Variants in ATG4B observed in about 807,000 individuals in gnomAD.
The protein encoded by ATG4B is cysteine protease ATG4B.
ATG4B carries 29 observed loss-of-function variants against 56.6 expected under a neutral mutation model. The ratio of observed to expected loss-of-function variants is 0.51; its 90% CI spans 0.38 to 0.70. The LOEUF (loss-of-function observed/expected upper bound fraction) is 0.70, where lower values mean the gene tolerates loss of function less well. ATG4B is among the 30% of genes least tolerant of loss of function. ATG4B has a pLI of 0.00. For missense variants in ATG4B, 461 were observed against 515.5 expected, an observed-to-expected ratio of 0.89 and a Z score of 1.02; for synonymous variants, 224 against 206.1, an observed-to-expected ratio of 1.09 and a Z score of -0.74.
In ATG4B at chr2:241,655,357, T is replaced by G; in HGVS notation, c.458+14T>G. 6.2e-7 allele frequency: 1 copy of G among 1,601,156 alleles called. No homozygotes were observed. Among genetic ancestry groups the G allele is most frequent in the South Asian group, 1.1e-5 (1 of 88,738 alleles). ...CCAGGTCCTGAAGTATGTACTGCGCTTCCACTGCTGAGCATGGGGCAGCAG... is the reference window on the plus strand; with the variant it reads ...CCAGGTCCTGAAGTATGTACTGCGCGTCCACTGCTGAGCATGGGGCAGCAG... On this transcript the variant is annotated intron_variant, in intron 6 of 12. Coordinates refer to ENST00000404914, the MANE Select transcript of ATG4B (RefSeq NM_013325.5).
rs1575097366 is a variant in ATG4B at position 241,672,448 on chromosome 2, C to G, written c.*184C>G. On this transcript the variant is annotated 3_prime_UTR_variant, in exon 13 of 13. Transcript: ENST00000404914. ...GGAGGCCTTACTGCTTGGTGTCAGA[C>G]TGCCCAGCTCAGAGTGCCCGTCAGG... 1 of 616,466 alleles carries G rather than the reference C, an allele frequency of 1.6e-6. No individual in the cohort carries two copies. 38.2% of individuals were successfully genotyped at this position (616,466 alleles called of 1,614,324 possible). A position where few individuals can be genotyped will look rare whatever the true frequency, so the allele number is the denominator to read the frequency against.
In ATG4B at chr2:241,672,916, A is replaced by C. The variant is rs1408332678; in HGVS notation, c.*652A>C. 1 of 165,710 alleles carries C rather than the reference A, an allele frequency of 6.0e-6. No homozygotes were observed. The highest frequency in any genetic ancestry group is 2.4e-5 in the African/African-American group (1 of 41,770). The allele number at this position is 165,710 out of a possible 1,614,324, so 10.3% of individuals were successfully genotyped here. ...GAAACCTGAAGATGGCGTGCACAGG[A>C]CACAGCGTGGGCGGCCTGGGCAGAA... On this transcript the variant is annotated 3_prime_UTR_variant, in exon 13 of 13. Coordinates refer to ENST00000404914, the MANE Select transcript of ATG4B (RefSeq NM_013325.5).
At chr2:241,654,983 T>C (rs2068350543) in intron 5 of ATG4B, 1 of 572,636 alleles carries the variant, frequency 1.7e-6, no homozygotes, top group South Asian at 2.1e-5. Context: ...TAAAGAAGAG[T>C]TGGCCTTTCT....
Position 241,673,402 on chromosome 2 carries a change from C to A in ATG4B, c.*1138C>A, listed in dbSNP as rs779633531. 1.1e-4 allele frequency: 42 copies of A among 373,826 alleles called. No homozygotes were observed. Among genetic ancestry groups the A allele is most frequent in the Non-Finnish European group, 2.0e-4 (37 of 185,772 alleles). 23.2% of individuals were successfully genotyped at this position (373,826 alleles called of 1,614,324 possible). Reference sequence around the variant, plus strand: ...CCACTAGGAAATGTAAACAGGAGGGCTTGGGGAGCGTGGGCACTTTTCTCA... The same window carrying A: ...CCACTAGGAAATGTAAACAGGAGGGATTGGGGAGCGTGGGCACTTTTCTCA... On this transcript the variant is annotated 3_prime_UTR_variant, in exon 13 of 13. Coordinates refer to ENST00000404914, the MANE Select transcript of ATG4B (RefSeq NM_013325.5).
At chr2:241,644,775 A>C (rs1014042731) in intron 1 of ATG4B, among the ~76,000 whole-genome samples, 2 of 151,810 alleles carry the variant, frequency 1.3e-5, no homozygotes, top group African/African-American at 4.8e-5. Context: ...CATGGGAGAA[A>C]CCCATCTCTA....
At chr2:241,642,971 C>T (rs1035442874) in intron 1 of ATG4B, among the ~76,000 whole-genome samples, 4 of 149,024 alleles carry the variant, frequency 2.7e-5, no homozygotes, top group Non-Finnish European at 4.4e-5. Flanking sequence ...CAGCCTTCGC[C>T]TCCTGGGTTC....
At chr2:241,663,604 C>G (rs1268562656) in intron 7 of ATG4B, among the ~76,000 whole-genome samples, 1 of 152,096 alleles carries the variant, frequency 6.6e-6, no homozygotes, top group Admixed American at 6.5e-5. Flanking sequence ...GCATACAACT[C>G]AAGAATTCGG....
chr2:241,638,474 C>T (rs1233248321), intron 1 of ATG4B: 1 of 152,178 alleles, frequency 6.6e-6, no homozygotes, highest in Non-Finnish European at 1.5e-5. Context: ...CCAAACCCAT[C>T]GCTAGCCCAG....
chr2:241,656,450 C>G (rs1192671661), intron 6 of ATG4B, among the ~76,000 whole-genome samples: 1 of 152,218 alleles, frequency 6.6e-6, no homozygotes, highest in Non-Finnish European at 1.5e-5. Flanking sequence ...CCCACCACAC[C>G]CTTCCACTCA....
In ATG4B at chr2:241,668,021, T is replaced by C; in HGVS notation, c.733-122T>C. ...GTAAGCTCTTTGGTACCATGTCCCC[T>C]CCTGTCCCCTCTTGTGTCACCCAGT... On this transcript the variant is annotated intron_variant, in intron 8 of 12. Coordinates refer to ENST00000404914, the MANE Select transcript of ATG4B (RefSeq NM_013325.5). This position sits in a 1 kb window ranked among gnomAD's most constrained non-coding sequence, Gnocchi z 4.2. The C allele has an allele frequency of 5.7e-6, 5 of 884,228 alleles. No individual in the cohort carries two copies. Among genetic ancestry groups the C allele is most frequent in the Non-Finnish European group, 8.6e-6 (5 of 579,042 alleles). The allele number at this position is 884,228 out of a possible 1,614,324, so 54.8% of individuals were successfully genotyped here. A position where few individuals can be genotyped will look rare whatever the true frequency, so the allele number is the denominator to read the frequency against.
intron 8 of ATG4B, 194 bp from the exon 9 acceptor site, chr2:241,667,949 A>T (rs763116866): frequency 1.8e-6 from 1 of 569,062 alleles, no homozygotes; most frequent in Non-Finnish European, 3.1e-6. Flanking sequence ...GAGCCTGCAG[A>T]TTGGGTTTCT....
At chr2:241,653,990 G>GA (rs34757883) in intron 4 of ATG4B, among the ~76,000 whole-genome samples, 9,601 of 72,580 alleles carry the variant, frequency 0.13, 584 homozygotes, top group East Asian at 0.22. Flanking sequence ...GACCCTATCT[G>GA]AAAAAAAAAA....
intron 8 of ATG4B, among the ~76,000 whole-genome samples, 158 bp downstream of exon 8, chr2:241,666,996 G>A (rs1473663669): frequency 1.3e-5 from 2 of 152,212 alleles, no homozygotes; most frequent in East Asian, 1.9e-4. Flanking sequence ...GGGGTGAGTG[G>A]GCGTGAGGCA....
At chr2:241,663,318 G>A (rs2068649760) in intron 7 of ATG4B, among the ~76,000 whole-genome samples, 1 of 152,136 alleles carries the variant, frequency 6.6e-6, no homozygotes, top group Non-Finnish European at 1.5e-5. Flanking sequence ...AAAGCTACAG[G>A]GGACCCAGAT....
intron 1 of ATG4B, chr2:241,638,172 T>A (rs1245488311): frequency 6.5e-6 from 1 of 153,536 alleles, no homozygotes; most frequent in East Asian, 1.9e-4. Flanking sequence ...GCTCTTTAAC[T>A]TTTATGAAGT....
Position 241,666,856 on chromosome 2 carries a change from G to T in ATG4B, c.732+18G>T, listed in dbSNP as rs1225886955. 4 of 1,544,616 alleles carry T rather than the reference G, an allele frequency of 2.6e-6. No individual in the cohort carries two copies. The highest frequency in any genetic ancestry group is 3.5e-6 in the Non-Finnish European group (4 of 1,144,802). On this transcript the variant is annotated intron_variant, in intron 8 of 12. Coordinates refer to ENST00000404914, the MANE Select transcript of ATG4B (RefSeq NM_013325.5). ...CGCTGAAGGTGGGTCCTGCCGTGCG[G>T]CGCTTGCCCTGAGTCCCCGTCCCCT...
At chr2:241,669,007 C>G (rs567841784) in intron 10 of ATG4B, 91 of 364,342 alleles carry the variant, frequency 2.5e-4, no homozygotes, top group African/African-American at 1.8e-3. Flanking sequence ...CCCCTCACAC[C>G]TACATTTAAA....
In ATG4B at chr2:241,651,274, G is replaced by T; in HGVS notation, c.123G>T (p.Glu41Asp). 2 of 1,600,298 alleles carry T rather than the reference G, an allele frequency of 1.2e-6. No homozygotes were observed. Among genetic ancestry groups the T allele is most frequent in the Non-Finnish European group, 1.7e-6 (2 of 1,172,926 alleles). ...RKYSIFTEKDEILSDVASRLW... is the reference protein window; with the variant it reads ...RKYSIFTEKDDILSDVASRLW... ...TTAAACAACCTCTAGAAAAGGACGA[G>T]ATCTTGTCTGATGTGGCATCTAGAC... Residue 41 changes from glutamate to aspartate, a missense_variant, in exon 3 of 13, where the codon GAG (glutamate) becomes GAT (aspartate). Transcript: ENST00000404914. The surrounding 1 kb of genome is among the most constrained non-coding windows in gnomAD (Gnocchi z 4.1).
At chr2:241,642,507 T>A (rs556193881) in intron 1 of ATG4B, among the ~76,000 whole-genome samples, 5 of 152,244 alleles carry the variant, frequency 3.3e-5, no homozygotes, top group African/African-American at 1.2e-4. Context: ...AAATAACTTC[T>A]AAGTGTTTTA....
Sources: gnomAD v4.1 joint callset for allele counts (sites outside exome capture counted in the v4.1 genomes callset) on GRCh38, gnomAD v4.1.1 for gene constraint, Gnocchi (gnomAD v3.1) non-coding constraint, MANE v1.5 for transcripts, NCBI Gene and HGNC (gene_info 2026-07-23, HGNC 2026-07-21) for gene names.